FBXO28: variants seen among roughly 807,000 people sequenced by gnomAD.
The protein encoded by FBXO28 is F-box protein 28.
FBXO28 carries 8 observed loss-of-function variants against 38.1 expected under a neutral mutation model. That is an observed-to-expected ratio of 0.21 (90% CI 0.12 to 0.38). The LOEUF is 0.38. Among genes scored for constraint, FBXO28 ranks in the 10% least tolerant of loss-of-function variants. The pLI, the probability that FBXO28 is intolerant of heterozygous loss-of-function variation, is 1.00. For synonymous variants in FBXO28, 168 were observed against 173.8 expected (o/e 0.97, Z 0.26); for missense variants, 345 against 460.6 (o/e 0.75, Z 2.30).
At position 224,151,341 on chromosome 1, in the gene FBXO28, G is replaced by A. The variant is rs570717899; in HGVS notation, c.517-1801G>A. 2.5e-4 allele frequency among the ~76,000 whole-genome samples: 38 copies of A among 152,222 alleles called. 1 individual carries two copies. The East Asian group carries it at 7.0e-3, about 28-fold the overall frequency. On this transcript the variant is annotated intron_variant, in intron 3 of 4. Coordinates refer to ENST00000366862, the MANE Select transcript of FBXO28 (RefSeq NM_015176.4). ...AGCCATTTCCTGTTCAGTTCTCCAA[G>A]CCCACAAACCTGGCCTCTCCTATGA...
chr1:224,138,154 G>C (rs113321996), intron 3 of FBXO28, among the ~76,000 whole-genome samples: 5,967 of 150,922 alleles, frequency 0.04, 489 homozygotes, highest in African/African-American at 0.13. Context: ...CTTGAACCTG[G>C]GAGGCAGAGG....
chr1:224,130,602 A>G, intron 2 of FBXO28, 21 bp downstream of exon 2: 1 of 1,485,782 alleles, frequency 6.7e-7, no homozygotes, highest in Non-Finnish European at 9.4e-7. Flanking sequence ...GGTGGCAATG[A>G]CAATGATGTA....
intron 2 of FBXO28, among the ~76,000 whole-genome samples, chr1:224,131,850 C>T (rs571774180): frequency 1.3e-5 from 2 of 152,008 alleles, no homozygotes; most frequent in Admixed American, 6.6e-5. Flanking sequence ...CAAAAGACAC[C>T]GTTAAGAAAA....
At chr1:224,119,819 G>T (rs1656732027) in intron 1 of FBXO28, among the ~76,000 whole-genome samples, 1 of 152,158 alleles carries the variant, frequency 6.6e-6, no homozygotes, top group South Asian at 2.1e-4. Context: ...GGAGAAGAAT[G>T]ACTTAGAGGG....
chr1:224,157,388 T>C lies in FBXO28; in HGVS notation c.749T>C (p.Leu250Pro). 6.2e-7 allele frequency: 1 copy of C among 1,613,948 alleles called. No homozygotes were observed. Among genetic ancestry groups the C allele is most frequent in the Non-Finnish European group, 8.5e-7 (1 of 1,179,926 alleles). The change falls in exon 5 of 5, where the codon CTC becomes CCC. Residue 250 changes from leucine (L) to proline (P), a missense_variant. Coordinates refer to ENST00000366862, the MANE Select transcript of FBXO28 (RefSeq NM_015176.4). ...TCTGCAGCCCTAACAACAATGCAGC[T>C]CTTCTCCAAGCAAAATCCTTCAAGA... ...GPSAALTTMQ[L>P]FSKQNPSRQE...
At chr1:224,128,983 CAAAAAAA>C (rs11309343) in intron 1 of FBXO28, among the ~76,000 whole-genome samples, 2 of 98,156 alleles carry the variant, frequency 2.0e-5, no homozygotes, top group Non-Finnish European at 3.9e-5. Flanking sequence ...AAGACCCTGT[CAAAAAAA>C]AAAAAAAAAA....
chr1:224,142,524 A>G (rs1380737631), intron 3 of FBXO28, among the ~76,000 whole-genome samples: 2 of 151,326 alleles, frequency 1.3e-5, no homozygotes, highest in South Asian at 4.2e-4. Context: ...TTGATGAGAA[A>G]AAAAAATCAG....
At chr1:224,124,705 A>G (rs901551274) in intron 1 of FBXO28, among the ~76,000 whole-genome samples, 4 of 152,166 alleles carry the variant, frequency 2.6e-5, no homozygotes, top group African/African-American at 9.7e-5. Flanking sequence ...ATCCTAAACA[A>G]AAGTTATATG....
chr1:224,153,372 T>A (rs1657691954), intron 4 of FBXO28, 35 bp downstream of exon 4: 1 of 1,483,768 alleles, frequency 6.7e-7, no homozygotes, highest in Non-Finnish European at 9.0e-7. Flanking sequence ...TGTACATAAT[T>A]TTGTAACTTG....
chr1:224,137,503 CA>C (rs1256676128), intron 3 of FBXO28, among the ~76,000 whole-genome samples: 3 of 150,910 alleles, frequency 2.0e-5, no homozygotes, highest in African/African-American at 7.4e-5. Context: ...AGCCTGGCAA[CA>C]GAGCGAGACT....
intron 1 of FBXO28, among the ~76,000 whole-genome samples, chr1:224,123,730 G>T (rs371253115): frequency 4.5e-4 from 68 of 152,178 alleles, no homozygotes; most frequent in African/African-American, 1.6e-3. Context: ...TATATCGTAG[G>T]TCTATTCCAC....
intron 2 of FBXO28, among the ~76,000 whole-genome samples, chr1:224,132,255 A>G (rs535940993): frequency 6.6e-6 from 1 of 152,272 alleles, no homozygotes; most frequent in Non-Finnish European, 1.5e-5. Flanking sequence ...CTGTCTCCAA[A>G]AAAAAGGACA....
chr1:224,144,295 C>T (rs965701815), intron 3 of FBXO28, among the ~76,000 whole-genome samples: 2 of 142,592 alleles, frequency 1.4e-5, no homozygotes, highest in African/African-American at 5.2e-5. Flanking sequence ...GAGACCTCGT[C>T]TCTACAGAAA....
At chr1:224,145,098 A>G (rs1252257268) in intron 3 of FBXO28, among the ~76,000 whole-genome samples, 1 of 151,872 alleles carries the variant, frequency 6.6e-6, no homozygotes, top group Admixed American at 6.6e-5. Flanking sequence ...CCTGGCCAAC[A>G]TGGTGAAACC....
At chr1:224,136,487 G>A (rs1657190110) in intron 3 of FBXO28, among the ~76,000 whole-genome samples, 1 of 151,750 alleles carries the variant, frequency 6.6e-6, no homozygotes, top group Non-Finnish European at 1.5e-5. Flanking sequence ...ACTTTAGGAG[G>A]CCAAGGTGGG....
Position 224,159,870 on chromosome 1 carries a change from C to T in FBXO28, c.*2124C>T, listed in dbSNP as rs1326461531. The T allele has an allele frequency of 6.6e-6, 1 of 152,144 alleles. No homozygotes were observed. Among genetic ancestry groups the T allele is most frequent in the Non-Finnish European group, 1.5e-5 (1 of 68,040 alleles). 9.4% of individuals were successfully genotyped at this position (152,144 alleles called of 1,614,324 possible). A position where few individuals can be genotyped will look rare whatever the true frequency, so the allele number is the denominator to read the frequency against. On this transcript the variant is annotated 3_prime_UTR_variant, in exon 5 of 5. Coordinates refer to ENST00000366862, the MANE Select transcript of FBXO28 (RefSeq NM_015176.4). ...AACTACATCTAGATAGCCTAAACAT[C>T]TATGTAGTCTTCCATTAGTTAACAT...
chr1:224,140,346 T>A (rs116565834), intron 3 of FBXO28, among the ~76,000 whole-genome samples: 2,543 of 152,260 alleles, frequency 0.017, 75 homozygotes, highest in African/African-American at 0.059. Context: ...TAATACAGAA[T>A]GTAATCGAGA....
chr1:224,143,951 G>T (rs957079507), intron 3 of FBXO28, among the ~76,000 whole-genome samples: 1 of 151,262 alleles, frequency 6.6e-6, no homozygotes, highest in African/African-American at 2.4e-5. Flanking sequence ...TTTGAGACCA[G>T]CCTGGCCAGT....
At chr1:224,119,293 C>A (rs1179874526) in intron 1 of FBXO28, among the ~76,000 whole-genome samples, 1 of 151,330 alleles carries the variant, frequency 6.6e-6, no homozygotes, top group Non-Finnish European at 1.5e-5. Flanking sequence ...GCCACCACGC[C>A]CGGCTAATTT....
Sources: allele counts gnomAD v4.1 joint callset (sites outside exome capture counted in the v4.1 genomes callset), GRCh38; gene constraint gnomAD v4.1.1; transcripts MANE v1.5; gene names NCBI Gene and HGNC (gene_info 2026-07-23, HGNC 2026-07-21).